The following NCOA1 variants were observed in gnomAD, a reference collection of about 807,000 sequenced individuals.
NCOA1 encodes Hin-2 protein.
A neutral mutation model predicts 150.9 loss-of-function variants in NCOA1; 35 were observed. The observed-to-expected ratio is 0.23, with a 90% CI of 0.18 to 0.31. NCOA1 has a LOEUF of 0.31. Ranked by LOEUF, NCOA1 falls within the 10% of genes least tolerant of loss-of-function variation. The pLI is 1.00. For synonymous variants in NCOA1, 590 were observed against 630.0 expected (o/e 0.94, Z 0.95); for missense variants, 1,491 against 1,749.3 (o/e 0.85, Z 2.63).
At chr2:24,514,528 T>A (rs1332144423) in intron 1 of NCOA1, among the ~76,000 whole-genome samples, 3 of 151,682 alleles carry the variant, frequency 2.0e-5, no homozygotes, top group African/African-American at 7.3e-5. Flanking sequence ...TAGGACCAGG[T>A]GTGGTAGCTC....
intron 11 of NCOA1, 131 bp from the exon 12 acceptor site, chr2:24,704,955 T>G: frequency 1.2e-6 from 1 of 828,826 alleles, no homozygotes. Context: ...CTATTCTTTA[T>G]TCTGAGTCTA....
At chr2:24,754,082 C>T (rs745985556) in intron 20 of NCOA1, among the ~76,000 whole-genome samples, 19 of 152,164 alleles carry the variant, frequency 1.2e-4, no homozygotes, top group Non-Finnish European at 2.5e-4. Flanking sequence ...ATCAGCAAAT[C>T]ATGTCAGCTT....
intron 8 of NCOA1, among the ~76,000 whole-genome samples, chr2:24,691,161 A>G (rs924504786): frequency 6.6e-6 from 1 of 152,026 alleles, no homozygotes; most frequent in African/African-American, 2.4e-5. Flanking sequence ...CAACTGAAAA[A>G]CTCATTAACT....
chr2:24,585,044 G>T (rs1444766802), intron 3 of NCOA1, among the ~76,000 whole-genome samples: 1 of 152,074 alleles, frequency 6.6e-6, no homozygotes, highest in Admixed American at 6.5e-5. Flanking sequence ...TTTTTTTAAG[G>T]TTCTTTCTTC....
At chr2:24,683,803 T>C (rs1672284113) in intron 8 of NCOA1, among the ~76,000 whole-genome samples, 2 of 152,204 alleles carry the variant, frequency 1.3e-5, no homozygotes, top group Non-Finnish European at 2.9e-5. Flanking sequence ...GGTGATTGCA[T>C]TGCTACCTTT....
chr2:24,569,627 T>A (rs182355930), intron 2 of NCOA1, among the ~76,000 whole-genome samples: 1 of 142,490 alleles, frequency 7.0e-6, no homozygotes, highest in African/African-American at 2.5e-5. Flanking sequence ...ATCCTAGCAT[T>A]TTGGGAGGCC....
intron 3 of NCOA1, among the ~76,000 whole-genome samples, chr2:24,592,578 A>ATTTTTTTTTTTTTTTTTT (rs145333073): frequency 9.7e-6 from 1 of 103,492 alleles, no homozygotes; most frequent in Non-Finnish European, 2.0e-5. Context: ...TCCCCTCCTA[A>ATTTTTTTTTTTTTTTTTT]TTTTTTTTTT....
At position 24,652,371 on chromosome 2, in the gene NCOA1, AT is replaced by A. The variant is rs1670746091; in HGVS notation, c.-17-6287del. ...TGGAAATTACCTAGTTCAGATCTCT[AT>A]TTATCATGTTTTTCCTGTGTGATGC... is the stretch of plus-strand genomic sequence containing the variant. On this transcript the variant is annotated intron_variant, in intron 4 of 22. Coordinates refer to ENST00000348332, the MANE Select transcript of NCOA1 (RefSeq NM_003743.5). Among the ~76,000 whole-genome samples, 4 of 152,154 alleles carry A rather than the reference AT, an allele frequency of 2.6e-5. No individual in the cohort carries two copies. In the South Asian group the frequency reaches 8.3e-4, roughly 32 times the overall value.
At chr2:24,684,408 A>G (rs1225791577) in intron 8 of NCOA1, among the ~76,000 whole-genome samples, 1 of 152,214 alleles carries the variant, frequency 6.6e-6, no homozygotes, top group Non-Finnish European at 1.5e-5. Flanking sequence ...TGTTTGTGGA[A>G]GGGCCACATT....
intron 7 of NCOA1, 129 bp from the exon 8 acceptor site, chr2:24,682,822 C>A: frequency 1.4e-6 from 1 of 709,380 alleles, no homozygotes; most frequent in Non-Finnish European, 2.2e-6. Flanking sequence ...CTGCGTATCA[C>A]AATTTCCTTG....
At chr2:24,637,822 A>G (rs1572524313) in intron 3 of NCOA1, among the ~76,000 whole-genome samples, 1 of 152,080 alleles carries the variant, frequency 6.6e-6, no homozygotes, top group South Asian at 2.1e-4. Context: ...CAGCTTCCCA[A>G]GTAGCGGGAA....
In NCOA1 at chr2:24,564,921, TC is replaced by T. The variant is rs200224663; in HGVS notation, c.-260+493del. ...AAGGAACTGAATGCAGCACTCTGAG[TC>T]CACCTGCAAGATGTCAGAGACCTTA... On this transcript the variant is annotated intron_variant, in intron 2 of 22. Coordinates refer to ENST00000348332, the MANE Select transcript of NCOA1 (RefSeq NM_003743.5). Among the ~76,000 whole-genome samples the T allele has an allele frequency of 5.2e-3, 786 of 152,300 alleles. 6 individuals are homozygous for T. Among genetic ancestry groups the T allele is most frequent in the Admixed American group, 0.011 (164 of 15,296 alleles).
rs543272621 is a variant in NCOA1 at position 24,681,860 on chromosome 2, G to C, written c.355-1091G>C. ...CTCCCAAGTAACTGGGACTACAGGC[G>C]TCCGCTACCACACTTGGCTAATTTT... On this transcript the variant is annotated intron_variant, in intron 7 of 22. Transcript: ENST00000348332. Among the ~76,000 whole-genome samples the C allele has an allele frequency of 6.4e-4, 98 of 152,120 alleles. 1 individual carries two copies. The highest frequency in any genetic ancestry group is 2.3e-3 in the African/African-American group (94 of 41,512).
chr2:24,707,675 G>A lies in NCOA1; in HGVS notation c.2205G>A (p.Leu735=). ...VQGNSSIKLE[L]DASKKKESKD... is the part of the protein sequence containing the mutation. ...GAAACTCCAGTATAAAACTAGAACT[G>A]GATGCTTCAAAGAAAAAAGAATCAA... The change falls in exon 13 of 23, where the codon CTG becomes CTA. Residue 735 remains leucine (L), a synonymous_variant. Coordinates refer to ENST00000348332, the MANE Select transcript of NCOA1 (RefSeq NM_003743.5). The A allele has an allele frequency of 6.2e-7, 1 of 1,614,060 alleles. No individual in the cohort carries two copies. Among genetic ancestry groups the A allele is most frequent in the Non-Finnish European group, 8.5e-7 (1 of 1,180,012 alleles).
At chr2:24,751,541 C>G (rs1164483702) in intron 19 of NCOA1, among the ~76,000 whole-genome samples, 2 of 150,902 alleles carry the variant, frequency 1.3e-5, no homozygotes, top group African/African-American at 4.9e-5. Flanking sequence ...CAAGATCGCA[C>G]CACTGCACTC....
chr2:24,512,594 T>C (rs1663980323), intron 1 of NCOA1, among the ~76,000 whole-genome samples: 1 of 152,232 alleles, frequency 6.6e-6, no homozygotes, highest in African/African-American at 2.4e-5. Context: ...AAATTAAACT[T>C]CACTTATGTG....
chr2:24,624,912 A>G (rs934688224), intron 3 of NCOA1, among the ~76,000 whole-genome samples: 1 of 152,208 alleles, frequency 6.6e-6, no homozygotes, highest in African/African-American at 2.4e-5. Flanking sequence ...AAAGGACCAG[A>G]TAGTAAATGC....
chr2:24,500,465 A>G (rs11688818), intron 1 of NCOA1, among the ~76,000 whole-genome samples: 70,840 of 152,134 alleles, frequency 0.47, 19,303 homozygotes, highest in East Asian at 0.74. Flanking sequence ...AGGTCTGTGA[A>G]GATGTTTCTT....
chr2:24,763,766 G>A (rs935029601), intron 22 of NCOA1, among the ~76,000 whole-genome samples: 9 of 150,832 alleles, frequency 6.0e-5, no homozygotes, highest in African/African-American at 2.2e-4. Context: ...GATTATAGGC[G>A]CCCGCCACCA....
Sources: gnomAD v4.1 joint callset for allele counts (sites outside exome capture counted in the v4.1 genomes callset) on GRCh38, gnomAD v4.1.1 for gene constraint, MANE v1.5 for transcripts, NCBI Gene and HGNC (gene_info 2026-07-23, HGNC 2026-07-21) for gene names.